MPP7: variants seen among roughly 807,000 people sequenced by gnomAD.
MPP7 encodes the protein MAGUK p55 scaffold protein 7, also known as MAGUK p55 subfamily member 7.
MPP7 carries 60 observed loss-of-function variants against 76.5 expected under a neutral mutation model. That is an observed-to-expected ratio of 0.78 (90% CI 0.64 to 0.97). The LOEUF is 0.97. Ranked by LOEUF, MPP7 falls within the 50% of genes least tolerant of loss-of-function variation. The pLI, the probability that MPP7 is intolerant of heterozygous loss-of-function variation, is 0.00. For missense variants in MPP7, 641 were observed against 694.0 expected, an observed-to-expected ratio of 0.92 and a Z score of 0.86; for synonymous variants, 237 against 244.5, an observed-to-expected ratio of 0.97 and a Z score of 0.29.
intron 5 of MPP7, among the ~76,000 whole-genome samples, chr10:28,132,022 G>A (rs1332607371): frequency 3.3e-5 from 5 of 152,124 alleles, no homozygotes; most frequent in Admixed American, 2.6e-4. Flanking sequence ...TTTGGGGCAA[G>A]AGTGCGGGGG....
At chr10:28,100,829 A>C (rs2133510842) in intron 11 of MPP7, among the ~76,000 whole-genome samples, 1 of 152,292 alleles carries the variant, frequency 6.6e-6, no homozygotes, top group East Asian at 1.9e-4. Context: ...GGTCTTTAAA[A>C]GTTTTCCTGA....
intron 1 of MPP7, among the ~76,000 whole-genome samples, chr10:28,256,531 A>G (rs1312503737): frequency 6.6e-6 from 1 of 152,150 alleles, no homozygotes; most frequent in Non-Finnish European, 1.5e-5. Flanking sequence ...GTAATGACCT[A>G]AAATGTTCAT....
At chr10:28,089,271 G>T (rs1388787318) in intron 12 of MPP7, among the ~76,000 whole-genome samples, 2 of 152,124 alleles carry the variant, frequency 1.3e-5, no homozygotes, top group Non-Finnish European at 2.9e-5. Context: ...CTAGAACTCT[G>T]CTGTAATACT....
chr10:28,142,643 A>G (rs1332998848), intron 5 of MPP7, among the ~76,000 whole-genome samples: 1 of 152,202 alleles, frequency 6.6e-6, no homozygotes, highest in Non-Finnish European at 1.5e-5. Context: ...AGGCAGGAGA[A>G]TCGCTTAAAC....
chr10:28,281,538 C>T (rs553682749), intron 1 of MPP7, among the ~76,000 whole-genome samples: 1 of 152,158 alleles, frequency 6.6e-6, no homozygotes, highest in South Asian at 2.1e-4. Context: ...GAAGAGATGA[C>T]AATATCAGGT....
chr10:28,217,157 T>C (rs561356229), intron 2 of MPP7, among the ~76,000 whole-genome samples: 13 of 152,214 alleles, frequency 8.5e-5, no homozygotes, highest in African/African-American at 2.9e-4. Context: ...ATATTAATTA[T>C]ATAGGAAAAA....
At chr10:28,122,534 C>T (rs1212552479) in intron 8 of MPP7, among the ~76,000 whole-genome samples, 1 of 152,010 alleles carries the variant, frequency 6.6e-6, no homozygotes, top group African/African-American at 2.4e-5. Flanking sequence ...ATAAATATAC[C>T]TATTTTCCTA....
intron 3 of MPP7, among the ~76,000 whole-genome samples, chr10:28,189,198 T>C (rs12764205): frequency 1.3e-5 from 2 of 151,910 alleles, no homozygotes; most frequent in Admixed American, 6.6e-5. Context: ...TTATAAGAGA[T>C]AGGAAAAAGG....
chr10:28,096,549 T>C lies in MPP7; in HGVS notation c.953-6708A>G, dbSNP rs150202820. On this transcript the variant is annotated intron_variant, in intron 11 of 16. Coordinates refer to ENST00000683449, the MANE Select transcript of MPP7 (RefSeq NM_001318170.2). ...CAATAAGGTCACGAGCCCTTTGTTCTATTTGTTAAAAAGATGTAAGGTTTT... is the reference window on the plus strand; with the variant it reads ...CAATAAGGTCACGAGCCCTTTGTTCCATTTGTTAAAAAGATGTAAGGTTTT... Among the ~76,000 whole-genome samples the C allele has an allele frequency of 5.7e-3, 872 of 152,344 alleles. 6 individuals carry two copies. The highest frequency in any genetic ancestry group is 0.019 in the African/African-American group (804 of 41,584).
intron 2 of MPP7, among the ~76,000 whole-genome samples, chr10:28,325,892 C>A (rs986005132): frequency 2.7e-5 from 4 of 149,292 alleles, no homozygotes; most frequent in Admixed American, 1.4e-4. Context: ...GGGAGGATAG[C>A]TTTAGCTCAG....
chr10:28,325,967 C>T (rs1437355987), intron 2 of MPP7, among the ~76,000 whole-genome samples: 9 of 129,812 alleles, frequency 6.9e-5, no homozygotes, highest in Non-Finnish European at 1.4e-4. Flanking sequence ...CAGAGTGAGA[C>T]CTCATCTCAA....
At chr10:28,228,023 T>C (rs1010988957) in intron 2 of MPP7, among the ~76,000 whole-genome samples, 1 of 152,200 alleles carries the variant, frequency 6.6e-6, no homozygotes, top group South Asian at 2.1e-4. Flanking sequence ...CTGACTGAAC[T>C]ACTTGCCCAA....
At chr10:28,330,739 T>C (rs1176524429) in intron 1 of MPP7, among the ~76,000 whole-genome samples, 2 of 152,126 alleles carry the variant, frequency 1.3e-5, no homozygotes, top group African/African-American at 4.8e-5. Flanking sequence ...ACTGTAAAAT[T>C]GAGCTTCTGG....
At chr10:28,088,906 C>G (rs1037033858) in intron 12 of MPP7, among the ~76,000 whole-genome samples, 4 of 152,108 alleles carry the variant, frequency 2.6e-5, no homozygotes, top group Non-Finnish European at 5.9e-5. Flanking sequence ...GACAGAGTCT[C>G]GCTCTGTCAC....
At chr10:28,118,974 T>C in intron 11 of MPP7, 1 of 985,298 alleles carries the variant, frequency 1.0e-6, no homozygotes, top group Non-Finnish European at 1.2e-6. Flanking sequence ...CCATGAAACA[T>C]CTAGGCGAGG....
At chr10:28,084,414 G>T (rs1480608898) in intron 12 of MPP7, among the ~76,000 whole-genome samples, 1 of 152,202 alleles carries the variant, frequency 6.6e-6, no homozygotes, top group East Asian at 1.9e-4. Context: ...AAAGCAAAAT[G>T]TACCCTAATT....
At chr10:28,310,945 C>A (rs1234670766) in intron 2 of MPP7, among the ~76,000 whole-genome samples, 4 of 152,142 alleles carry the variant, frequency 2.6e-5, no homozygotes, top group Admixed American at 2.0e-4. Flanking sequence ...AAATATTTTT[C>A]TCTTAGCTAA....
intron 13 of MPP7, 58 bp from the exon 14 acceptor site, chr10:28,059,801 A>G: frequency 1.7e-6 from 2 of 1,149,692 alleles, no homozygotes; most frequent in South Asian, 2.7e-5. Flanking sequence ...TAAGGAAAAT[A>G]CTAAAAAAGA....
chr10:28,054,141 A>T lies in MPP7; in HGVS notation c.1655T>A (p.Phe552Tyr). ...GTCAAAAGTTGTTTTGAGCTCATTG[A>T]ATGCCACAGTGAGGTCATCATTTAT... ...IIINDDLTVA[F>Y]NELKTTFDKL... Residue 552 changes from phenylalanine to tyrosine, a missense_variant, in exon 17 of 17, where the codon TTC becomes TAC. Phe to Tyr is a conservative substitution (Grantham distance 22). Coordinates refer to ENST00000683449, the MANE Select transcript of MPP7 (RefSeq NM_001318170.2). 1 of 1,612,390 alleles carries T rather than the reference A, an allele frequency of 6.2e-7. No individual in the cohort carries two copies. The highest frequency in any genetic ancestry group is 8.5e-7 in the Non-Finnish European group (1 of 1,178,694).
Sources: gnomAD v4.1 joint callset for allele counts (sites outside exome capture counted in the v4.1 genomes callset) on GRCh38, gnomAD v4.1.1 for gene constraint, MANE v1.5 for transcripts, NCBI Gene and HGNC (gene_info 2026-07-23, HGNC 2026-07-21) for gene names.